Variants in ATP8A2 observed in about 807,000 individuals in gnomAD.
ATP8A2 encodes phospholipid-transporting ATPase IB.
ATP8A2 carries 100 observed loss-of-function variants against 165.6 expected under a neutral mutation model. The observed-to-expected ratio is 0.60, with a 90% CI of 0.51 to 0.71. The LOEUF (loss-of-function observed/expected upper bound fraction) is 0.71. Among genes scored for constraint, ATP8A2 ranks in the 30% least tolerant of loss-of-function variants. The pLI is 0.00. For missense variants in ATP8A2, 1,227 were observed against 1,479.5 expected (o/e 0.83, Z 2.80); for synonymous variants, 543 against 548.8 (o/e 0.99, Z 0.15).
chr13:25,996,760 C>T (rs935230388), intron 35 of ATP8A2, among the ~76,000 whole-genome samples: 18 of 152,096 alleles, frequency 1.2e-4, no homozygotes, highest in African/African-American at 3.1e-4. Context: ...CTCAGCTCAC[C>T]GCAACCTCTA....
chr13:25,563,900 G>C (rs556265359), intron 15 of ATP8A2, 56 bp from the exon 16 acceptor site: 1 of 1,268,548 alleles, frequency 7.9e-7, no homozygotes, highest in East Asian at 2.3e-5. Context: ...TCCAGGTTTG[G>C]GTTAGCTTAA....
At chr13:25,738,134 A>G (rs1237087345) in intron 25 of ATP8A2, among the ~76,000 whole-genome samples, 2 of 152,132 alleles carry the variant, frequency 1.3e-5, no homozygotes, top group African/African-American at 4.8e-5. Context: ...TTTTCATCTT[A>G]CCAGTGAGAA....
At chr13:25,517,684 A>G (rs1456612508) in intron 2 of ATP8A2, among the ~76,000 whole-genome samples, 1 of 152,236 alleles carries the variant, frequency 6.6e-6, no homozygotes, top group Non-Finnish European at 1.5e-5. Context: ...TGGTCCAATT[A>G]CTGCATTCTG....
rs57755000 is a variant in ATP8A2, at chr13:25,510,174, AACACACAC to A, written c.222-19785_222-19778del. Among the ~76,000 whole-genome samples, 679 of 128,590 alleles carry A rather than the reference AACACACAC, an allele frequency of 5.3e-3. 3 individuals carry two copies. The highest frequency in any genetic ancestry group is 7.9e-3 in the African/African-American group (267 of 33,868). The allele number at this position is 128,590 out of a possible 152,430, so 84.4% of individuals were successfully genotyped here. On this transcript the variant is annotated intron_variant, in intron 2 of 36. Coordinates refer to ENST00000381655, the MANE Select transcript of ATP8A2 (RefSeq NM_016529.6). ...CCTTTGTCTGTTCCCGTCTGTCTGTAACACACACACACACACACACACACACACACACA... is the reference window on the plus strand; with the variant it reads ...CCTTTGTCTGTTCCCGTCTGTCTGTAACACACACACACACACACACACACA...
At chr13:25,498,197 T>C (rs1270436947) in intron 2 of ATP8A2, among the ~76,000 whole-genome samples, 3 of 152,152 alleles carry the variant, frequency 2.0e-5, no homozygotes, top group Non-Finnish European at 4.4e-5. Flanking sequence ...AAACAGGTGC[T>C]CATACTATGA....
chr13:25,581,197 C>A (rs956184985), intron 22 of ATP8A2, among the ~76,000 whole-genome samples: 16 of 152,050 alleles, frequency 1.1e-4, no homozygotes, highest in Non-Finnish European at 2.4e-4. Context: ...ATGGAGCAGG[C>A]CGTTTGTACA....
intron 25 of ATP8A2, among the ~76,000 whole-genome samples, chr13:25,701,723 A>AACACAC (rs71077495): frequency 0.034 from 4,727 of 140,502 alleles, 120 homozygotes; most frequent in East Asian, 0.065. Flanking sequence ...TTGATACTAA[A>AACACAC]ACACACACAC....
At chr13:25,977,375 C>T (rs1027245997) in intron 35 of ATP8A2, among the ~76,000 whole-genome samples, 1 of 152,154 alleles carries the variant, frequency 6.6e-6, no homozygotes, top group Non-Finnish European at 1.5e-5. Context: ...CTGACAAATA[C>T]TCGCGACAGG....
At chr13:25,642,278 G>A (rs1362524992) in intron 24 of ATP8A2, among the ~76,000 whole-genome samples, 2 of 152,126 alleles carry the variant, frequency 1.3e-5, no homozygotes, top group African/African-American at 4.8e-5. Context: ...AAGAGCTTCT[G>A]CCAGCAAAAG....
chr13:25,469,474 A>G (rs2035779709), intron 2 of ATP8A2, among the ~76,000 whole-genome samples: 1 of 152,078 alleles, frequency 6.6e-6, no homozygotes. Flanking sequence ...AAGCCAGTTG[A>G]TAGCCTTCTT....
At chr13:25,589,579 T>A (rs906603343) in intron 23 of ATP8A2, 56 bp from the exon 24 acceptor site, 2 of 1,360,858 alleles carry the variant, frequency 1.5e-6, no homozygotes, top group East Asian at 4.6e-5. Context: ...AGGTTGAATT[T>A]AAGGAGCTCA....
At chr13:25,761,133 G>A (rs1036566717) in intron 25 of ATP8A2, among the ~76,000 whole-genome samples, 6 of 152,106 alleles carry the variant, frequency 3.9e-5, no homozygotes, top group South Asian at 4.1e-4. Flanking sequence ...ACCTATGCCT[G>A]GTATTGCCAA....
At chr13:25,672,113 G>T (rs1477618280) in intron 24 of ATP8A2, among the ~76,000 whole-genome samples, 1 of 152,190 alleles carries the variant, frequency 6.6e-6, no homozygotes, top group Non-Finnish European at 1.5e-5. Flanking sequence ...GGACACTGTA[G>T]GTCATAGAGT....
intron 1 of ATP8A2, among the ~76,000 whole-genome samples, chr13:25,416,970 C>T (rs886413646): frequency 2.0e-5 from 3 of 151,110 alleles, no homozygotes; most frequent in Non-Finnish European, 4.4e-5. Context: ...GAGTGATGTA[C>T]AGTCTTGAGC....
intron 2 of ATP8A2, among the ~76,000 whole-genome samples, chr13:25,524,380 G>A (rs1230869177): frequency 6.6e-6 from 1 of 152,052 alleles, no homozygotes; most frequent in Non-Finnish European, 1.5e-5. Context: ...GTCTTGTTTT[G>A]TCTAGTATAC....
chr13:25,495,122 A>G (rs2036635058), intron 2 of ATP8A2, among the ~76,000 whole-genome samples: 2 of 152,218 alleles, frequency 1.3e-5, no homozygotes, highest in South Asian at 4.2e-4. Flanking sequence ...CAAACACAAC[A>G]AGAACAGGAA....
At chr13:25,746,404 G>A (rs886227685) in intron 25 of ATP8A2, among the ~76,000 whole-genome samples, 4 of 152,314 alleles carry the variant, frequency 2.6e-5, no homozygotes, top group South Asian at 2.1e-4. Flanking sequence ...AGTCTAGCAC[G>A]TAGGCAAATA....
chr13:25,452,868 G>T (rs969955362), intron 1 of ATP8A2, among the ~76,000 whole-genome samples: 1 of 152,038 alleles, frequency 6.6e-6, no homozygotes, highest in Admixed American at 6.5e-5. Flanking sequence ...GCTGAGGCAG[G>T]AGGATCACTT....
chr13:26,010,777 C>G (rs750147603), intron 35 of ATP8A2, among the ~76,000 whole-genome samples: 1 of 152,198 alleles, frequency 6.6e-6, no homozygotes, highest in Non-Finnish European at 1.5e-5. Context: ...GGAGGGAGGA[C>G]CAGTGTGAAA....
Sources: gnomAD v4.1 joint callset for allele counts (sites outside exome capture counted in the v4.1 genomes callset) on GRCh38, gnomAD v4.1.1 for gene constraint, MANE v1.5 for transcripts, NCBI Gene and HGNC (gene_info 2026-07-23, HGNC 2026-07-21) for gene names.